Variants in TXNRD1 observed in about 807,000 individuals in gnomAD.
TXNRD1 encodes the protein thioredoxin reductase 1, also known as thioredoxin reductase 1, cytoplasmic.
In TXNRD1, 57 loss-of-function variants were observed where a neutral mutation model predicts 80.3. The ratio of observed to expected loss-of-function variants is 0.71; its 90% confidence interval spans 0.57 to 0.89. The LOEUF is 0.89. Ranked by LOEUF, TXNRD1 falls within the 40% of genes least tolerant of loss-of-function variation. The pLI is 0.00. For synonymous variants in TXNRD1, 291 were observed against 285.2 expected, an observed-to-expected ratio of 1.02 and a Z score of -0.20; for missense variants, 730 against 803.0, an observed-to-expected ratio of 0.91 and a Z score of 1.10.
intron 3 of TXNRD1, among the ~76,000 whole-genome samples, chr12:104,271,183 C>CT (rs1165430972): frequency 0.44 from 55,425 of 127,222 alleles, 13,390 homozygotes; most frequent in East Asian, 0.83. Context: ...TTAGTTCTTT[C>CT]TTTTTTTTTT....
chr12:104,288,856 GC>G, intron 3 of TXNRD1, 74 bp from the exon 4 acceptor site: 2 of 1,612,130 alleles, frequency 1.2e-6, no homozygotes, highest in Non-Finnish European at 1.7e-6. Flanking sequence ...CGGAAGCCCC[GC>G]CCCCGGCGCA....
intron 4 of TXNRD1, among the ~76,000 whole-genome samples, chr12:104,294,832 A>G (rs1388024054): frequency 6.6e-6 from 1 of 152,266 alleles, no homozygotes; most frequent in Non-Finnish European, 1.5e-5. Context: ...GTGAATAGAC[A>G]TCAGGACATG....
chr12:104,313,448 T>C (rs1298018723), intron 6 of TXNRD1, 131 bp downstream of exon 6: 7 of 643,532 alleles, frequency 1.1e-5, no homozygotes, highest in African/African-American at 3.7e-5. Flanking sequence ...CCAAAACATA[T>C]ATATCTTTTA....
intron 4 of TXNRD1, among the ~76,000 whole-genome samples, chr12:104,290,720 C>CATATATATATACATAT (rs2034159495): frequency 1.1e-4 from 6 of 55,864 alleles, no homozygotes; most frequent in South Asian, 7.5e-4. Context: ...AAGAAATATA[C>CATATATATATACATAT]ATATATATAT....
intron 1 of TXNRD1, among the ~76,000 whole-genome samples, chr12:104,232,733 A>G (rs1177210160): frequency 6.6e-6 from 1 of 152,220 alleles, no homozygotes; most frequent in Non-Finnish European, 1.5e-5. Flanking sequence ...CTTGTTAGAC[A>G]TAAATTTTCG....
chr12:104,243,562 G>A lies in TXNRD1; in HGVS notation c.92-7965G>A, dbSNP rs912351474. 4.6e-5 allele frequency among the ~76,000 whole-genome samples: 7 copies of A among 152,252 alleles called. 1 individual carries two copies. The East Asian group carries it at 9.6e-4, about 21-fold the overall frequency. On this transcript the variant is annotated intron_variant, in intron 1 of 16. Transcript: ENST00000525566. ...TTAAAAGGAATCTTCTGAGAGTGGT[G>A]GTGTGTTTGCCATACTCCTTGAGCT...
At chr12:104,290,880 A>G (rs2034177986) in intron 4 of TXNRD1, 1 of 534,376 alleles carries the variant, frequency 1.9e-6, no homozygotes, top group African/African-American at 2.0e-5. Flanking sequence ...TTTAATGGCA[A>G]TGGGAGTAAA....
At chr12:104,291,460 G>T (rs1243179068) in intron 4 of TXNRD1, among the ~76,000 whole-genome samples, 1 of 142,936 alleles carries the variant, frequency 7.0e-6, no homozygotes, top group Non-Finnish European at 1.5e-5. Flanking sequence ...GGGATTACAA[G>T]TGTGACCCAC....
intron 6 of TXNRD1, 24 bp downstream of exon 6, chr12:104,313,341 A>C: frequency 6.5e-7 from 1 of 1,537,500 alleles, no homozygotes. Flanking sequence ...ATACTCTAGA[A>C]GTGATGTTGC....
rs2032654432 is a variant in TXNRD1, at chr12:104,232,773, G to A, written c.91+16880G>A. 2.0e-5 allele frequency among the ~76,000 whole-genome samples: 3 copies of A among 152,282 alleles called. No individual in the cohort carries two copies. In the South Asian group the frequency reaches 6.2e-4, roughly 32 times the overall value. ...TGCAAAGGAAATAGCGCTCGAATAT[G>A]AATTTTCTCAGCAAGGCAACTTTAC... On this transcript the variant is annotated intron_variant, in intron 1 of 16. Coordinates refer to ENST00000525566, the MANE Select transcript of TXNRD1 (RefSeq NM_001093771.3).
intron 4 of TXNRD1, among the ~76,000 whole-genome samples, chr12:104,301,400 C>T (rs1317315914): frequency 5.3e-5 from 8 of 152,044 alleles, no homozygotes; most frequent in Admixed American, 2.0e-4. Context: ...TGCAGTGGCG[C>T]GATCTTGGCT....
chr12:104,237,665 T>C (rs2032767358), intron 1 of TXNRD1, among the ~76,000 whole-genome samples: 1 of 152,200 alleles, frequency 6.6e-6, no homozygotes, highest in Non-Finnish European at 1.5e-5. Context: ...TGTGTTGTTA[T>C]AGATGTGTTG....
chr12:104,250,540 G>C (rs564672723), intron 1 of TXNRD1, among the ~76,000 whole-genome samples: 4 of 152,252 alleles, frequency 2.6e-5, no homozygotes, highest in African/African-American at 9.6e-5. Flanking sequence ...CAACCCTGAG[G>C]AAGTTGCATA....
At chr12:104,301,670 T>A (rs1354790146) in intron 4 of TXNRD1, among the ~76,000 whole-genome samples, 1 of 152,210 alleles carries the variant, frequency 6.6e-6, no homozygotes, top group Non-Finnish European at 1.5e-5. Context: ...TGTGAGAAGC[T>A]CCTAAGAATA....
At chr12:104,234,654 A>AG (rs1457755191) in intron 1 of TXNRD1, among the ~76,000 whole-genome samples, 1 of 151,546 alleles carries the variant, frequency 6.6e-6, no homozygotes, top group African/African-American at 2.4e-5. Context: ...AAAAAAAAAA[A>AG]AAGAAGCCTT....
At chr12:104,309,313 G>A (rs2035044659) in intron 4 of TXNRD1, among the ~76,000 whole-genome samples, 1 of 152,080 alleles carries the variant, frequency 6.6e-6, no homozygotes, top group South Asian at 2.1e-4. Context: ...AGCTTTTTTG[G>A]TAAAATCTGT....
chr12:104,343,839 C>A lies in TXNRD1; in HGVS notation c.1882-4514C>A, dbSNP rs557661266. On this transcript the variant is annotated intron_variant, in intron 16 of 16. Coordinates refer to ENST00000525566, the MANE Select transcript of TXNRD1 (RefSeq NM_001093771.3). ...AACAAAATGGCCTGGCTCAGTGGCTCACGCCTGTAATCCCAGCACTTTAGG... is the reference window on the plus strand; with the variant it reads ...AACAAAATGGCCTGGCTCAGTGGCTAACGCCTGTAATCCCAGCACTTTAGG... Among the ~76,000 whole-genome samples the A allele has an allele frequency of 2.1e-4, 31 of 150,070 alleles. 1 individual carries two copies. The highest frequency in any genetic ancestry group is 7.1e-4 in the African/African-American group (29 of 40,628).
intron 4 of TXNRD1, among the ~76,000 whole-genome samples, chr12:104,299,579 C>T (rs1411180996): frequency 6.6e-6 from 1 of 151,796 alleles, no homozygotes; most frequent in African/African-American, 2.4e-5. Context: ...CCAGCCTGGT[C>T]AACATGCTGA....
At chr12:104,307,900 T>G (rs1050551338) in intron 4 of TXNRD1, among the ~76,000 whole-genome samples, 1 of 152,228 alleles carries the variant, frequency 6.6e-6, no homozygotes, top group Admixed American at 6.5e-5. Context: ...TCATCTCATA[T>G]TCTATAGCAT....
Sources: gnomAD v4.1 joint callset for allele counts (sites outside exome capture counted in the v4.1 genomes callset) on GRCh38, gnomAD v4.1.1 for gene constraint, MANE v1.5 for transcripts, NCBI Gene and HGNC (gene_info 2026-07-23, HGNC 2026-07-21) for gene names.